TMC1: variants seen among roughly 807,000 people sequenced by gnomAD.
The protein encoded by TMC1 is transmembrane channel-like protein 1.
In TMC1, 84 loss-of-function variants were observed where a neutral mutation model predicts 105.8. The ratio of observed to expected loss-of-function variants is 0.79; its 90% CI spans 0.67 to 0.95. The LOEUF (loss-of-function observed/expected upper bound fraction) is 0.95. Ranked by LOEUF, TMC1 falls within the 40% of genes least tolerant of loss-of-function variation. TMC1 has a pLI of 0.00. For synonymous variants in TMC1, 315 were observed against 311.5 expected, an observed-to-expected ratio of 1.01 and a Z score of -0.12; for missense variants, 817 against 914.1, an observed-to-expected ratio of 0.89 and a Z score of 1.37.
At chr9:72,798,007 T>C (rs1190838979) in intron 17 of TMC1, among the ~76,000 whole-genome samples, 2 of 151,974 alleles carry the variant, frequency 1.3e-5, no homozygotes, top group East Asian at 3.9e-4. Flanking sequence ...ACAAGGAAAT[T>C]AAACAAATTT....
At chr9:72,661,969 G>A (rs1825974808) in intron 5 of TMC1, among the ~76,000 whole-genome samples, 1 of 152,150 alleles carries the variant, frequency 6.6e-6, no homozygotes, top group African/African-American at 2.4e-5. Flanking sequence ...GAGCAAAACA[G>A]GTTGGTAGAC....
At chr9:72,835,351 A>G (rs1039698863) in intron 23 of TMC1, among the ~76,000 whole-genome samples, 3 of 148,380 alleles carry the variant, frequency 2.0e-5, no homozygotes, top group Non-Finnish European at 4.6e-5. Flanking sequence ...AGTCTACCTT[A>G]GTGAGAATTT....
chr9:72,542,688 G>GT (rs900438366), intron 1 of TMC1, among the ~76,000 whole-genome samples: 18 of 147,992 alleles, frequency 1.2e-4, no homozygotes, highest in African/African-American at 3.7e-4. Flanking sequence ...TTCTTCCTTT[G>GT]TTTTTTTTTG....
At chr9:72,721,761 A>G (rs138516731) in intron 8 of TMC1, among the ~76,000 whole-genome samples, 1 of 152,306 alleles carries the variant, frequency 6.6e-6, no homozygotes, top group Non-Finnish European at 1.5e-5. Context: ...AATGATTTCC[A>G]TCTTTTCCAA....
chr9:72,697,869 G>A (rs1315746989), intron 7 of TMC1, among the ~76,000 whole-genome samples: 1 of 151,742 alleles, frequency 6.6e-6, no homozygotes, highest in Non-Finnish European at 1.5e-5. Flanking sequence ...ATAATTTCTT[G>A]CCATCTGTTT....
At chr9:72,805,793 T>C (rs1828565336) in intron 18 of TMC1, among the ~76,000 whole-genome samples, 2 of 151,924 alleles carry the variant, frequency 1.3e-5, no homozygotes, top group Admixed American at 6.6e-5. Flanking sequence ...AAGCACATCT[T>C]GCACCACCCT....
At chr9:72,636,713 A>AAAAAAAAAAG (rs1825540185) in intron 4 of TMC1, among the ~76,000 whole-genome samples, 1 of 151,512 alleles carries the variant, frequency 6.6e-6, no homozygotes, top group African/African-American at 2.4e-5. Context: ...ATCTCAAAAA[A>AAAAAAAAAAG]AAAAAAAAAA....
chr9:72,639,704 G>C (rs927094860), intron 4 of TMC1, among the ~76,000 whole-genome samples: 8 of 152,102 alleles, frequency 5.3e-5, no homozygotes, highest in Non-Finnish European at 1.0e-4. Context: ...CTAATACATA[G>C]AGGAATACAT....
At chr9:72,607,855 T>G (rs1187390879) in intron 2 of TMC1, 1 of 152,006 alleles carries the variant, frequency 6.6e-6, no homozygotes, top group Non-Finnish European at 1.5e-5. Flanking sequence ...TCCCCCACGA[T>G]GGAGCTGGAG....
At chr9:72,740,620 A>G (rs1196968240) in intron 9 of TMC1, among the ~76,000 whole-genome samples, 1 of 152,204 alleles carries the variant, frequency 6.6e-6, no homozygotes, top group African/African-American at 2.4e-5. Flanking sequence ...AATAAATGAT[A>G]TACTGATACA....
intron 1 of TMC1, among the ~76,000 whole-genome samples, chr9:72,569,661 G>A (rs1414520795): frequency 6.6e-6 from 1 of 152,150 alleles, no homozygotes; most frequent in Non-Finnish European, 1.5e-5. Flanking sequence ...GGGAGATGAC[G>A]GGGCTACAGT....
At chr9:72,723,523 G>A (rs755762547) in intron 8 of TMC1, among the ~76,000 whole-genome samples, 36 of 152,096 alleles carry the variant, frequency 2.4e-4, no homozygotes, top group Non-Finnish European at 2.9e-4. Context: ...CAATGTCCGT[G>A]ACAGTTTTCT....
At chr9:72,821,966 A>G (rs1232475551) in intron 20 of TMC1, among the ~76,000 whole-genome samples, 2 of 152,220 alleles carry the variant, frequency 1.3e-5, no homozygotes, top group African/African-American at 2.4e-5. Flanking sequence ...TTCCACATAT[A>G]TATTCTCTCC....
chr9:72,656,797 G>T (rs1023727889), intron 5 of TMC1, among the ~76,000 whole-genome samples: 1 of 152,040 alleles, frequency 6.6e-6, no homozygotes, highest in Non-Finnish European at 1.5e-5. Flanking sequence ...TCCCCCCTCC[G>T]GGATGCAGAT....
chr9:72,538,579 G>C (rs754080257), intron 1 of TMC1, among the ~76,000 whole-genome samples: 1 of 152,050 alleles, frequency 6.6e-6, no homozygotes, highest in African/African-American at 2.4e-5. Context: ...TGGGATTACA[G>C]GTGTCCACCA....
intron 2 of TMC1, among the ~76,000 whole-genome samples, chr9:72,597,359 A>G (rs1824737533): frequency 6.6e-6 from 1 of 152,102 alleles, no homozygotes; most frequent in Non-Finnish European, 1.5e-5. Context: ...GCTCGGAAGT[A>G]CTCAATTCTG....
intron 8 of TMC1, among the ~76,000 whole-genome samples, chr9:72,729,687 G>T (rs1012966227): frequency 1.3e-5 from 2 of 152,082 alleles, no homozygotes; most frequent in Non-Finnish European, 2.9e-5. Context: ...GTTTAGTTCT[G>T]CAGGGGCAGA....
At chr9:72,551,171 GACAC>G (rs1012773454) in intron 1 of TMC1, among the ~76,000 whole-genome samples, 1 of 152,166 alleles carries the variant, frequency 6.6e-6, no homozygotes, top group Non-Finnish European at 1.5e-5. Flanking sequence ...TGGTCCTTCT[GACAC>G]ACTGATTTTA....
chr9:72,629,486 C>T (rs1439113722), intron 4 of TMC1, among the ~76,000 whole-genome samples: 1 of 152,016 alleles, frequency 6.6e-6, no homozygotes, highest in Non-Finnish European at 1.5e-5. Flanking sequence ...GTTGGGAAAA[C>T]TAATAGGAAT....
Sources: allele counts gnomAD v4.1 joint callset (sites outside exome capture counted in the v4.1 genomes callset), GRCh38; gene constraint gnomAD v4.1.1; transcripts MANE v1.5; gene names NCBI Gene and HGNC (gene_info 2026-07-23, HGNC 2026-07-21).